TBC1D22A: variants seen among roughly 807,000 people sequenced by gnomAD.
TBC1D22A encodes putative GTPase activator.
In TBC1D22A, 38 loss-of-function variants were observed where a neutral mutation model predicts 60.2. The observed-to-expected ratio is 0.63, with a 90% CI of 0.49 to 0.83. The LOEUF is 0.83. Among genes scored for constraint, TBC1D22A ranks in the 40% least tolerant of loss-of-function variants. TBC1D22A has a pLI of 0.00. For missense variants in TBC1D22A, 628 were observed against 701.0 expected (o/e 0.90, Z 1.18); for synonymous variants, 302 against 281.7 (o/e 1.07, Z -0.72).
At chr22:46,894,333 A>G (rs1382172141) in intron 6 of TBC1D22A, among the ~76,000 whole-genome samples, 2 of 152,202 alleles carry the variant, frequency 1.3e-5, no homozygotes, top group South Asian at 2.1e-4. Flanking sequence ...CCTTTGAGAA[A>G]TGTTCTAGAT....
chr22:47,020,825 A>G (rs758905547), intron 10 of TBC1D22A, among the ~76,000 whole-genome samples: 9 of 152,082 alleles, frequency 5.9e-5, no homozygotes, highest in Non-Finnish European at 8.8e-5. Context: ...GGATTGTAGG[A>G]TATCAATCCT....
intron 12 of TBC1D22A, among the ~76,000 whole-genome samples, chr22:47,132,310 C>T (rs567287868): frequency 2.0e-4 from 31 of 152,210 alleles, no homozygotes; most frequent in Non-Finnish European, 3.7e-4. Flanking sequence ...GGGACTGTCA[C>T]AGGAGCTGGC....
At chr22:46,792,386 C>T in intron 1 of TBC1D22A, 134 bp from the exon 2 acceptor site, 1 of 1,219,726 alleles carries the variant, frequency 8.2e-7, no homozygotes, top group South Asian at 1.3e-5. Flanking sequence ...TGCAGGGGGG[C>T]CTGCGACAGC....
intron 8 of TBC1D22A, among the ~76,000 whole-genome samples, chr22:46,938,197 C>A (rs115790299): frequency 0.015 from 2,282 of 152,310 alleles, 52 homozygotes; most frequent in African/African-American, 0.051. Flanking sequence ...ATGCCTTAGA[C>A]AGGTGTACAG....
chr22:47,157,446 C>T (rs531368998), intron 12 of TBC1D22A, among the ~76,000 whole-genome samples: 15 of 152,230 alleles, frequency 9.9e-5, no homozygotes, highest in Non-Finnish European at 1.9e-4. Context: ...ACGTGTCCGT[C>T]TAGATGAACT....
chr22:47,103,958 T>C (rs2065519769), intron 11 of TBC1D22A, among the ~76,000 whole-genome samples: 1 of 152,166 alleles, frequency 6.6e-6, no homozygotes, highest in Non-Finnish European at 1.5e-5. Flanking sequence ...AACGTGTTTT[T>C]TTTGCCATAT....
At chr22:46,842,859 C>T (rs985952915) in intron 4 of TBC1D22A, among the ~76,000 whole-genome samples, 29 of 152,324 alleles carry the variant, frequency 1.9e-4, no homozygotes, top group African/African-American at 6.7e-4. Context: ...CATGCCTTGA[C>T]AGCATCACAG....
chr22:46,930,870 G>A (rs1194659446), intron 8 of TBC1D22A, among the ~76,000 whole-genome samples: 2 of 152,098 alleles, frequency 1.3e-5, no homozygotes, highest in African/African-American at 4.8e-5. Context: ...CTTCCTTCCT[G>A]CCTTTCTACC....
chr22:46,851,253 TG>T (rs1480064092), intron 4 of TBC1D22A, among the ~76,000 whole-genome samples: 2 of 151,988 alleles, frequency 1.3e-5, no homozygotes, highest in Non-Finnish European at 2.9e-5. Flanking sequence ...GTTGGAGAGG[TG>T]AGGAATAGTA....
At chr22:47,006,212 A>C (rs780741864) in intron 10 of TBC1D22A, among the ~76,000 whole-genome samples, 2 of 152,190 alleles carry the variant, frequency 1.3e-5, no homozygotes, top group African/African-American at 4.8e-5. Flanking sequence ...TGTCTCCTCC[A>C]GGAGAGGTTA....
chr22:46,809,206 C>A (rs2085280588), intron 4 of TBC1D22A, among the ~76,000 whole-genome samples: 3 of 152,222 alleles, frequency 2.0e-5, no homozygotes, highest in Admixed American at 2.0e-4. Context: ...CTTGCAGATG[C>A]CACATTTTTG....
intron 4 of TBC1D22A, among the ~76,000 whole-genome samples, chr22:46,865,095 A>C (rs1269477423): frequency 6.6e-6 from 1 of 151,568 alleles, no homozygotes; most frequent in East Asian, 1.9e-4. Flanking sequence ...CCATCTCCCA[A>C]CCTCCATTGG....
intron 4 of TBC1D22A, among the ~76,000 whole-genome samples, chr22:46,836,126 A>T (rs2086507662): frequency 6.6e-6 from 1 of 152,240 alleles, no homozygotes; most frequent in South Asian, 2.1e-4. Context: ...AAAACCTATG[A>T]AAGTATAATA....
At chr22:46,896,358 C>A (rs12160779) in intron 7 of TBC1D22A, among the ~76,000 whole-genome samples, 1 of 151,992 alleles carries the variant, frequency 6.6e-6, no homozygotes, top group Non-Finnish European at 1.5e-5. Context: ...AAGTTGTTAG[C>A]TCTAGTGTGG....
At chr22:46,904,128 T>C (rs1250265041) in intron 7 of TBC1D22A, among the ~76,000 whole-genome samples, 2 of 102,902 alleles carry the variant, frequency 1.9e-5, no homozygotes, top group Non-Finnish European at 3.9e-5. Context: ...TCTATCTATC[T>C]ATCTATCTAT....
intron 11 of TBC1D22A, among the ~76,000 whole-genome samples, chr22:47,110,266 G>A (rs1242402969): frequency 3.3e-5 from 5 of 152,134 alleles, no homozygotes; most frequent in African/African-American, 2.4e-5. Context: ...GATCACCGGA[G>A]GTCAGGAGTT....
intron 12 of TBC1D22A, among the ~76,000 whole-genome samples, chr22:47,140,959 A>C (rs1305352202): frequency 6.6e-6 from 1 of 152,256 alleles, no homozygotes; most frequent in African/African-American, 2.4e-5. Context: ...GCTTGTTAGC[A>C]TGTATGTTAG....
rs200378181 is a variant in TBC1D22A, at chr22:46,850,085, G to C, written c.638-28568G>C. Among the ~76,000 whole-genome samples, 31 of 152,320 alleles carry C rather than the reference G, an allele frequency of 2.0e-4. 1 individual carries two copies. The highest frequency in any genetic ancestry group is 1.7e-3 in the East Asian group (9 of 5,188). On this transcript the variant is annotated intron_variant, in intron 4 of 12. Transcript: ENST00000337137. ...TGGGTGTGCATCTGTGCAGCAGCTCGACTGCATGCCTGCTGTGTGCTGGAG... is the reference window on the plus strand; with the variant it reads ...TGGGTGTGCATCTGTGCAGCAGCTCCACTGCATGCCTGCTGTGTGCTGGAG...
At chr22:46,806,807 G>A (rs1202562326) in intron 4 of TBC1D22A, among the ~76,000 whole-genome samples, 1 of 152,190 alleles carries the variant, frequency 6.6e-6, no homozygotes, top group African/African-American at 2.4e-5. Context: ...GTGGCTGGTG[G>A]GTCCCACCCA....
Sources: allele counts gnomAD v4.1 joint callset (sites outside exome capture counted in the v4.1 genomes callset), GRCh38; gene constraint gnomAD v4.1.1; transcripts MANE v1.5; gene names NCBI Gene and HGNC (gene_info 2026-07-23, HGNC 2026-07-21).